Variants in SMPDL3B observed in about 807,000 individuals in gnomAD.
The protein encoded by SMPDL3B is acid sphingomyelinase-like phosphodiesterase 3b.
Under a neutral mutation model 37.9 loss-of-function variants are expected in SMPDL3B, and 31 were observed. The observed-to-expected ratio is 0.82, with a 90% CI of 0.61 to 1.10. The LOEUF is 1.10. SMPDL3B is among the 50% of genes least tolerant of loss of function. SMPDL3B has a pLI of 0.00. For missense variants in SMPDL3B, 525 were observed against 597.8 expected (o/e 0.88, Z 1.27); for synonymous variants, 235 against 242.6 (o/e 0.97, Z 0.29).
At chr1:27,954,292 G>T in intron 4 of SMPDL3B, 62 bp from the exon 5 acceptor site, 1 of 1,461,608 alleles carries the variant, frequency 6.8e-7, no homozygotes, top group South Asian at 1.3e-5. Flanking sequence ...TGAGGTGGAA[G>T]GGGCGGAAGC....
chr1:27,944,731 CTTTT>C (rs796904879), intron 1 of SMPDL3B, among the ~76,000 whole-genome samples: 1 of 137,770 alleles, frequency 7.3e-6, no homozygotes. Context: ...AGACTTTTTT[CTTTT>C]TTTTTTTTTT....
At chr1:27,950,503 G>C (rs2090447150) in intron 3 of SMPDL3B, among the ~76,000 whole-genome samples, 1 of 152,176 alleles carries the variant, frequency 6.6e-6, no homozygotes, top group South Asian at 2.1e-4. Flanking sequence ...ACCCAGGCTG[G>C]AGTACAGTGG....
chr1:27,954,504 A>G lies in SMPDL3B; in HGVS notation c.668A>G (p.Asp223Gly), dbSNP rs765223147. 1 of 1,613,936 alleles carries G rather than the reference A, an allele frequency of 6.2e-7. No individual in the cohort carries two copies. Among genetic ancestry groups the G allele is most frequent in the Admixed American group, 1.7e-5 (1 of 60,024 alleles). ...CAGTGGCTGGAAGATGTGCTGACCG[A>G]TGCATCCAAAGCTGGGGACATGGTA... ...QFQWLEDVLT[D>G]ASKAGDMVYI... The change falls in exon 5 of 8, where the codon GAT (aspartate) becomes GGT (glycine). Residue 223 changes from aspartate to glycine, a missense_variant. Coordinates refer to ENST00000373894, the MANE Select transcript of SMPDL3B (RefSeq NM_014474.4).
intron 7 of SMPDL3B, among the ~76,000 whole-genome samples, chr1:27,957,981 T>C (rs1638338941): frequency 6.6e-6 from 1 of 152,188 alleles, no homozygotes. Flanking sequence ...GGTTCATAAA[T>C]GTACCTGGAA....
At chr1:27,953,142 G>A (rs1472827767) in intron 3 of SMPDL3B, 73 bp from the exon 4 acceptor site, 1 of 1,246,868 alleles carries the variant, frequency 8.0e-7, no homozygotes, top group Non-Finnish European at 1.2e-6. Flanking sequence ...GATGGCCAGT[G>A]GCCAACAGAA....
intron 1 of SMPDL3B, among the ~76,000 whole-genome samples, chr1:27,939,295 C>A (rs2090335642): frequency 6.6e-6 from 1 of 152,108 alleles, no homozygotes; most frequent in South Asian, 2.1e-4. Flanking sequence ...TCTCCCCACC[C>A]CTATCACAAA....
In SMPDL3B at chr1:27,945,602, G is replaced by A. The variant is rs910371252; in HGVS notation, c.275+157G>A. Among the ~76,000 whole-genome samples, 1 of 152,138 alleles carries A rather than the reference G, an allele frequency of 6.6e-6. No individual in the cohort carries two copies. Among genetic ancestry groups the A allele is most frequent in the Non-Finnish European group, 1.5e-5 (1 of 68,016 alleles). ...CTCAAAGGAATTTTGTAACTTGCCCGGGGATTCCTGAGTCCAACTGATTCC... is the reference window on the plus strand; with the variant it reads ...CTCAAAGGAATTTTGTAACTTGCCCAGGGATTCCTGAGTCCAACTGATTCC... On this transcript the variant is annotated intron_variant, in intron 2 of 7. Coordinates refer to ENST00000373894, the MANE Select transcript of SMPDL3B (RefSeq NM_014474.4). This position sits in a 1 kb window ranked among gnomAD's most constrained non-coding sequence, Gnocchi z 4.0.
At position 27,953,101 on chromosome 1, in the gene SMPDL3B, A is replaced by C. The variant is rs996828290; in HGVS notation, c.374-114A>C. The C allele has an allele frequency of 1.5e-5, 11 of 740,418 alleles. No individual in the cohort carries two copies. The African/African-American group carries it at 1.8e-4, about 12-fold the overall frequency. The allele number at this position is 740,418 out of a possible 1,614,324, so 45.9% of individuals were successfully genotyped here. A position where few individuals can be genotyped will look rare whatever the true frequency, so the allele number is the denominator to read the frequency against. On this transcript the variant is annotated intron_variant, in intron 3 of 7. Transcript: ENST00000373894. ...GGTTTCCTATCTGTGTCTTTTCCTC[A>C]TCTGTGCTATCGCTCTTCCCCTTGA...
At chr1:27,946,072 G>A (rs955526246) in intron 2 of SMPDL3B, among the ~76,000 whole-genome samples, 27 of 152,236 alleles carry the variant, frequency 1.8e-4, no homozygotes, top group Middle Eastern at 3.4e-3. Context: ...CCCCCATTCC[G>A]GCTGGGTATA....
intron 1 of SMPDL3B, among the ~76,000 whole-genome samples, chr1:27,938,291 T>C (rs1557489999): frequency 1.3e-5 from 2 of 152,196 alleles, no homozygotes; most frequent in African/African-American, 2.4e-5. Flanking sequence ...CTAATCCTCA[T>C]TTTATAGATG....
rs2090295182 is a variant in SMPDL3B at position 27,935,151 on chromosome 1, A to AG, written c.-33_-32insG. On this transcript the variant is annotated 5_prime_UTR_variant, in exon 1 of 8. Coordinates refer to ENST00000373894, the MANE Select transcript of SMPDL3B (RefSeq NM_014474.4). ...GGTGAGAACAACAACAGTGCCTGAG[A>AG]ATCCCACGGCTCTGGGGAAGTGAGC... 6.3e-7 allele frequency: 1 copy of AG among 1,580,516 alleles called. No homozygotes were observed. The highest frequency in any genetic ancestry group is 8.7e-7 in the Non-Finnish European group (1 of 1,150,728).
intron 1 of SMPDL3B, among the ~76,000 whole-genome samples, chr1:27,936,965 G>C (rs1372445705): frequency 6.6e-6 from 1 of 152,184 alleles, no homozygotes; most frequent in Non-Finnish European, 1.5e-5. Flanking sequence ...AGCTTGCAGT[G>C]AGCCGAGATT....
At chr1:27,956,195 G>A (rs767444360) in intron 7 of SMPDL3B, 113 bp downstream of exon 7, 6 of 1,604,926 alleles carry the variant, frequency 3.7e-6, no homozygotes, top group East Asian at 2.2e-5. Flanking sequence ...CCTCAGGAAG[G>A]TTGAGCTCCT....
intron 1 of SMPDL3B, among the ~76,000 whole-genome samples, chr1:27,937,530 T>C (rs1012224265): frequency 6.6e-6 from 1 of 152,226 alleles, no homozygotes; most frequent in African/African-American, 2.4e-5. Flanking sequence ...TTGGGGCTAA[T>C]GCTAGCCTTA....
chr1:27,951,104 G>A (rs1201852600), intron 3 of SMPDL3B, among the ~76,000 whole-genome samples: 1 of 152,032 alleles, frequency 6.6e-6, no homozygotes, highest in Non-Finnish European at 1.5e-5. Context: ...ATAAGATTTT[G>A]TAGTTTCTAC....
intron 7 of SMPDL3B, among the ~76,000 whole-genome samples, chr1:27,957,201 C>T (rs555262005): frequency 9.4e-4 from 143 of 152,112 alleles, no homozygotes; most frequent in African/African-American, 3.0e-3. Flanking sequence ...GCAGTGAGGC[C>T]GTTTGGAGGG....
intron 2 of SMPDL3B, among the ~76,000 whole-genome samples, chr1:27,948,134 A>AT (rs2090425891): frequency 2.0e-5 from 3 of 151,924 alleles, no homozygotes. Context: ...CTTAGGTACA[A>AT]TTTTTCCCCC....
intron 3 of SMPDL3B, 129 bp downstream of exon 3, chr1:27,949,291 G>A: frequency 2.2e-6 from 2 of 914,534 alleles, no homozygotes; most frequent in Non-Finnish European, 3.4e-6. Context: ...CTGTTGGCCA[G>A]GTCTTCATGG....
rs780037709 is a variant in SMPDL3B, at chr1:27,935,158, C to G, written c.-26C>G. On this transcript the variant is annotated 5_prime_UTR_variant, in exon 1 of 8. Coordinates refer to ENST00000373894, the MANE Select transcript of SMPDL3B (RefSeq NM_014474.4). Reference sequence around the variant, plus strand: ...ACAACAACAGTGCCTGAGAATCCCACGGCTCTGGGGAAGTGAGCCCCGAGG... The same window carrying G: ...ACAACAACAGTGCCTGAGAATCCCAGGGCTCTGGGGAAGTGAGCCCCGAGG... The G allele has an allele frequency of 1.2e-5, 20 of 1,601,560 alleles. No individual in the cohort carries two copies. In the South Asian group the frequency reaches 2.0e-4, roughly 16 times the overall value.
Sources: allele counts gnomAD v4.1 joint callset (sites outside exome capture counted in the v4.1 genomes callset), GRCh38; gene constraint gnomAD v4.1.1; non-coding constraint Gnocchi (gnomAD v3.1); transcripts MANE v1.5; gene names NCBI Gene and HGNC (gene_info 2026-07-23, HGNC 2026-07-21).